Variants in ARL6IP1 observed in about 807,000 individuals in gnomAD.
The protein encoded by ARL6IP1 is ARL6 interacting reticulophagy regulator 1.
A neutral mutation model predicts 30.1 loss-of-function variants in ARL6IP1; 16 were observed. The ratio of observed to expected loss-of-function variants is 0.53; its 90% confidence interval spans 0.36 to 0.81. The LOEUF (loss-of-function observed/expected upper bound fraction) is 0.81. ARL6IP1 is among the 30% of genes least tolerant of loss of function. The pLI, the probability that ARL6IP1 is intolerant of heterozygous loss-of-function variation, is 0.01. For synonymous variants in ARL6IP1, 72 were observed against 84.8 expected, an observed-to-expected ratio of 0.85 and a Z score of 0.83; for missense variants, 173 against 242.7, an observed-to-expected ratio of 0.71 and a Z score of 1.91.
chr16:18,792,423 G>C lies in ARL6IP1; in HGVS notation c.*829C>G, dbSNP rs2030094056. The C allele has an allele frequency of 6.6e-6, 1 of 152,200 alleles. No individual in the cohort carries two copies. Among genetic ancestry groups the C allele is most frequent in the East Asian group, 1.9e-4 (1 of 5,206 alleles). 9.4% of individuals were successfully genotyped at this position (152,200 alleles called of 1,614,324 possible). ...GACTGCTGTCCTTTTGCCAGTCTTAGAGTGAAAGTCATAGACATGAGTCTT... is the reference window on the plus strand; with the variant it reads ...GACTGCTGTCCTTTTGCCAGTCTTACAGTGAAAGTCATAGACATGAGTCTT... On this transcript the variant is annotated 3_prime_UTR_variant, in exon 6 of 6. Transcript: ENST00000304414.
chr16:18,800,030 T>C (rs1246801801), intron 1 of ARL6IP1, among the ~76,000 whole-genome samples: 2 of 152,160 alleles, frequency 1.3e-5, no homozygotes, highest in African/African-American at 4.8e-5. Flanking sequence ...CCTTGTCTCT[T>C]TGTAAAAGTC....
At chr16:18,798,943 C>A (rs779173946) in intron 1 of ARL6IP1, 109 bp from the exon 2 acceptor site, 65 of 1,219,500 alleles carry the variant, frequency 5.3e-5, no homozygotes, top group Non-Finnish European at 7.2e-5. Context: ...ACCTCTTAAC[C>A]AAATTGCCAA....
intron 1 of ARL6IP1, among the ~76,000 whole-genome samples, chr16:18,800,666 A>ACAGT (rs899497333): frequency 6.6e-6 from 1 of 152,208 alleles, no homozygotes; most frequent in African/African-American, 2.4e-5. Context: ...TATGTGACCT[A>ACAGT]CAGTCACCAG....
intron 5 of ARL6IP1, 61 bp downstream of exon 5, chr16:18,794,538 C>G: frequency 1.6e-6 from 2 of 1,259,992 alleles, no homozygotes. Flanking sequence ...TGTTTACTGA[C>G]GAAGTTACAG....
chr16:18,801,168 C>T, intron 1 of ARL6IP1: 3 of 1,391,396 alleles, frequency 2.2e-6, no homozygotes, highest in Non-Finnish European at 2.8e-6. Context: ...GTCGCAGCCC[C>T]TCTGCCTCCC....
intron 3 of ARL6IP1, among the ~76,000 whole-genome samples, chr16:18,796,161 A>G (rs1038781512): frequency 1.3e-5 from 2 of 152,234 alleles, no homozygotes; most frequent in Non-Finnish European, 2.9e-5. Context: ...ACAACACAGC[A>G]GTAAAAATCC....
chr16:18,793,430 ACTT>A (rs1458765610), intron 5 of ARL6IP1, 60 bp from the exon 6 acceptor site: 341 of 897,252 alleles, frequency 3.8e-4, no homozygotes, highest in Non-Finnish European at 4.7e-4. Context: ...AAAGGTTATT[ACTT>A]TTTTTTTTTT....
intron 1 of ARL6IP1, among the ~76,000 whole-genome samples, 177 bp from the exon 2 acceptor site, chr16:18,799,011 T>A (rs1317216800): frequency 2.0e-5 from 3 of 152,090 alleles, no homozygotes; most frequent in Non-Finnish European, 1.5e-5. Flanking sequence ...TACAATGGGT[T>A]TTTTTGTTTT....
intron 3 of ARL6IP1, among the ~76,000 whole-genome samples, chr16:18,795,819 T>C (rs1451286761): frequency 1.3e-5 from 2 of 152,088 alleles, no homozygotes; most frequent in African/African-American, 4.8e-5. Context: ...GTGCGTGTGA[T>C]AAAGAAAGGA....
chr16:18,801,186 C>T (rs921203744), intron 1 of ARL6IP1: 4 of 1,405,548 alleles, frequency 2.8e-6, no homozygotes, highest in Non-Finnish European at 3.7e-6. Flanking sequence ...CCCACTTCCT[C>T]CTCGACTCCT....
rs375463688 is a variant in ARL6IP1 at position 18,798,758 on chromosome 16, C to T, written c.113G>A (p.Arg38Gln). Reference protein sequence around the residue: ...EVMLMADKVLRWERAWFPPAI... With the variant: ...EVMLMADKVLQWERAWFPPAI... ...AGGTGGAAACCAGGCTCTTTCCCATCGGAGGACTTTATCAGCCATCAGCAT... is the reference window on the plus strand; with the variant it reads ...AGGTGGAAACCAGGCTCTTTCCCATTGGAGGACTTTATCAGCCATCAGCAT... Residue 38 changes from arginine (R) to glutamine (Q), a missense_variant, in exon 2 of 6, where the codon CGA (arginine) becomes CAA (glutamine). By Grantham distance (43) the Arg-to-Gln change is conservative. Transcript: ENST00000304414. 8.1e-6 allele frequency: 13 copies of T among 1,614,066 alleles called. No individual in the cohort carries two copies. Among genetic ancestry groups the T allele is most frequent in the Middle Eastern group, 1.6e-4 (1 of 6,084 alleles).
chr16:18,798,136 C>T (rs188060163), intron 2 of ARL6IP1, 92 bp from the exon 3 acceptor site: 11 of 1,230,292 alleles, frequency 8.9e-6, no homozygotes, highest in South Asian at 3.4e-5. Context: ...AACTATTCAC[C>T]GCCTCTCAGA....
chr16:18,799,671 T>C (rs946870147), intron 1 of ARL6IP1, among the ~76,000 whole-genome samples: 1 of 152,204 alleles, frequency 6.6e-6, no homozygotes, highest in Non-Finnish European at 1.5e-5. Context: ...ATCACTCAGA[T>C]GTTGACATTC....
intron 4 of ARL6IP1, 54 bp from the exon 5 acceptor site, chr16:18,794,737 T>A (rs1222244414): frequency 3.2e-6 from 4 of 1,245,532 alleles, no homozygotes; most frequent in Admixed American, 2.0e-5. Flanking sequence ...ACCATAAATA[T>A]ATGTAATTTT....
Position 18,793,170 on chromosome 16 carries a change from A to C in ARL6IP1, c.*82T>G. On this transcript the variant is annotated 3_prime_UTR_variant, in exon 6 of 6. Transcript: ENST00000304414. ...GAGAACAAAGAGCTACTTCCGTAACATTTTAGTATCCAGATAGTACAGCAG... is the reference window on the plus strand; with the variant it reads ...GAGAACAAAGAGCTACTTCCGTAACCTTTTAGTATCCAGATAGTACAGCAG... 1 of 875,998 alleles carries C rather than the reference A, an allele frequency of 1.1e-6. No homozygotes were observed. The highest frequency in any genetic ancestry group is 1.7e-5 in the African/African-American group (1 of 58,568). 54.3% of individuals were successfully genotyped at this position (875,998 alleles called of 1,614,324 possible). A position where few individuals can be genotyped will look rare whatever the true frequency, so the allele number is the denominator to read the frequency against.
intron 3 of ARL6IP1, among the ~76,000 whole-genome samples, chr16:18,796,089 C>T (rs2030222454): frequency 6.6e-6 from 1 of 152,150 alleles, no homozygotes; most frequent in Non-Finnish European, 1.5e-5. Context: ...CAGCAATAAA[C>T]AGCTCAAATC....
chr16:18,799,776 G>A (rs1567293008), intron 1 of ARL6IP1, among the ~76,000 whole-genome samples: 1 of 152,182 alleles, frequency 6.6e-6, no homozygotes, highest in African/African-American at 2.4e-5. Context: ...CACTCAGGAT[G>A]TCATTTTGAT....
intron 5 of ARL6IP1, among the ~76,000 whole-genome samples, 157 bp downstream of exon 5, chr16:18,794,442 T>C (rs1012124663): frequency 2.0e-5 from 3 of 152,256 alleles, no homozygotes; most frequent in South Asian, 2.1e-4. Flanking sequence ...GGTTATTGCA[T>C]TGTTTTCACT....
intron 1 of ARL6IP1, among the ~76,000 whole-genome samples, chr16:18,800,525 C>T (rs887764823): frequency 3.2e-4 from 49 of 152,322 alleles, no homozygotes; most frequent in Admixed American, 7.8e-4. Context: ...ACAAACCATG[C>T]ATTTCTAAAA....
Sources: allele counts gnomAD v4.1 joint callset (sites outside exome capture counted in the v4.1 genomes callset), GRCh38; gene constraint gnomAD v4.1.1; transcripts MANE v1.5; gene names NCBI Gene and HGNC (gene_info 2026-07-23, HGNC 2026-07-21).